Variants in RNH1 observed in about 807,000 individuals in gnomAD.
RNH1 encodes the protein ribonuclease/angiogenin inhibitor 1, also known as ribonuclease inhibitor.
A neutral mutation model predicts 46.1 loss-of-function variants in RNH1; 38 were observed. The ratio of observed to expected loss-of-function variants is 0.82; its 90% confidence interval spans 0.64 to 1.08. The LOEUF is 1.08. RNH1 is among the 50% of genes least tolerant of loss of function. RNH1 has a pLI of 0.00. For synonymous variants in RNH1, 319 were observed against 279.1 expected (o/e 1.14, Z -1.43); for missense variants, 577 against 590.7 (o/e 0.98, Z 0.24).
intron 5 of RNH1, 45 bp downstream of exon 5, chr11:499,784 A>G: frequency 6.3e-7 from 1 of 1,579,178 alleles, no homozygotes; most frequent in Non-Finnish European, 8.6e-7. Context: ...TGGCTGGGGG[A>G]CAGGCAGCGG....
Position 495,066 on chromosome 11 carries a change from G to C in RNH1, c.1128-13C>G, listed in dbSNP as rs749080613. 14 of 1,600,626 alleles carry C rather than the reference G, an allele frequency of 8.7e-6. No homozygotes were observed. In the African/African-American group the frequency reaches 1.1e-4, roughly 12 times the overall value. On this transcript the variant is annotated splice_polypyrimidine_tract_variant and intron_variant, in intron 9 of 10. Coordinates refer to ENST00000354420, the MANE Select transcript of RNH1 (RefSeq NM_203387.3). Reference sequence around the variant, plus strand: ...GCAGTCGGCCAACCTGGGTGAAGCAGGGCGGGGGTCAGGGTGCCGGGCGTG... The same window carrying C: ...GCAGTCGGCCAACCTGGGTGAAGCACGGCGGGGGTCAGGGTGCCGGGCGTG...
chr11:495,354 A>T (rs1197200802), intron 9 of RNH1, among the ~76,000 whole-genome samples: 1 of 152,096 alleles, frequency 6.6e-6, no homozygotes, highest in Non-Finnish European at 1.5e-5. Flanking sequence ...CCCCCTTGTC[A>T]CCTCGACACC....
intron 9 of RNH1, among the ~76,000 whole-genome samples, chr11:497,741 TCGTGCTCACTCA>T (rs1261511408): frequency 2.0e-5 from 3 of 148,734 alleles, no homozygotes; most frequent in African/African-American, 4.9e-5. Context: ...ACACGGACCC[TCGTGCTCACTCA>T]CGTGCTCACA....
Position 502,793 on chromosome 11 carries a change from T to C in RNH1, c.-87-544A>G. The stretch of plus-strand genomic sequence containing the variant: ...CAGCTTCCATGGCCCCCTTCTGGGG[T>C]TGGGGACTCTGCACCAGGCTACAGC... On this transcript the variant is annotated intron_variant, in intron 2 of 10. Coordinates refer to ENST00000354420, the MANE Select transcript of RNH1 (RefSeq NM_203387.3). The surrounding 1 kb of genome is among the most constrained non-coding windows in gnomAD (Gnocchi z 5.8). 1 of 155,254 alleles carries C rather than the reference T, an allele frequency of 6.4e-6. No individual in the cohort carries two copies. Among genetic ancestry groups the C allele is most frequent in the Non-Finnish European group, 1.4e-5 (1 of 69,804 alleles). The allele number at this position is 155,254 out of a possible 1,614,324, so 9.6% of individuals were successfully genotyped here.
chr11:498,157 G>T lies in RNH1; in HGVS notation c.957-16C>A. On this transcript the variant is annotated splice_polypyrimidine_tract_variant and intron_variant, in intron 8 of 10. Transcript: ENST00000354420. ...GGACTTCACCCTGTGGACACAGACAGGACTGACGCCTGGCAGGGGCCCAGG... is the reference window on the plus strand; with the variant it reads ...GGACTTCACCCTGTGGACACAGACATGACTGACGCCTGGCAGGGGCCCAGG... 6.2e-7 allele frequency: 1 copy of T among 1,605,596 alleles called. No homozygotes were observed. Among genetic ancestry groups the T allele is most frequent in the Non-Finnish European group, 8.5e-7 (1 of 1,175,240 alleles).
chr11:498,273 A>G, intron 8 of RNH1, 132 bp from the exon 9 acceptor site: 1 of 1,248,524 alleles, frequency 8.0e-7, no homozygotes, highest in Non-Finnish European at 1.1e-6. Context: ...GTGGGCACCT[A>G]CACCTGGTCC....
At position 502,364 on chromosome 11, in the gene RNH1, T is replaced by C. The variant is rs1260764453; in HGVS notation, c.-87-115A>G. 2 of 607,362 alleles carry C rather than the reference T, an allele frequency of 3.3e-6. No homozygotes were observed. Among genetic ancestry groups the C allele is most frequent in the East Asian group, 5.5e-5 (2 of 36,244 alleles). 37.6% of individuals were successfully genotyped at this position (607,362 alleles called of 1,614,324 possible). On this transcript the variant is annotated intron_variant, in intron 2 of 10. Transcript: ENST00000354420. This position sits in a 1 kb window ranked among gnomAD's most constrained non-coding sequence, Gnocchi z 5.8. ...TTGTCTCTGGAGCAGACATCAGGGG[T>C]GGGGCAGGGGGCAGGGACCAGCACC...
rs12801788 is a variant in RNH1 at position 497,603 on chromosome 11, T to G, written c.1127+368A>C. Reference sequence around the variant, plus strand: ...CATTCTTGCCCATGTGCTCACACACTGACCCTCGTGCTCACTCTCACGTGC... The same window carrying G: ...CATTCTTGCCCATGTGCTCACACACGGACCCTCGTGCTCACTCTCACGTGC... On this transcript the variant is annotated intron_variant, in intron 9 of 10. Transcript: ENST00000354420. Among the ~76,000 whole-genome samples, 640 of 93,892 alleles carry G rather than the reference T, an allele frequency of 6.8e-3. 2 individuals carry two copies. Among genetic ancestry groups the G allele is most frequent in the Middle Eastern group, 0.019 (2 of 104 alleles). 61.6% of individuals were successfully genotyped at this position (93,892 alleles called of 152,430 possible). A position where few individuals can be genotyped will look rare whatever the true frequency, so the allele number is the denominator to read the frequency against.
intron 9 of RNH1, among the ~76,000 whole-genome samples, 188 bp downstream of exon 9, chr11:497,779 TCTCA>T (rs1241950021): frequency 1.1e-4 from 15 of 142,474 alleles, no homozygotes; most frequent in Non-Finnish European, 2.2e-4. Flanking sequence ...ACGTGCTCAC[TCTCA>T]CATGCTCACG....
chr11:497,958 C>G lies in RNH1; in HGVS notation c.1127+13G>C, dbSNP rs556843557. On this transcript the variant is annotated intron_variant, in intron 9 of 10. Coordinates refer to ENST00000354420, the MANE Select transcript of RNH1 (RefSeq NM_203387.3). Reference sequence around the variant, plus strand: ...CTCCCAAATGTGCATACTCGTGTCCCTCACACACTCACCAGAGCACCCGCA... The same window carrying G: ...CTCCCAAATGTGCATACTCGTGTCCGTCACACACTCACCAGAGCACCCGCA... 5 of 1,610,634 alleles carry G rather than the reference C, an allele frequency of 3.1e-6. No homozygotes were observed. The Admixed American group carries it at 5.0e-5, about 16-fold the overall frequency.
intron 9 of RNH1, among the ~76,000 whole-genome samples, chr11:495,585 A>G (rs542068838): frequency 2.6e-5 from 4 of 152,216 alleles, no homozygotes; most frequent in Non-Finnish European, 5.9e-5. Context: ...AGCAGGGCCA[A>G]GGAGTTGCAC....
Position 502,745 on chromosome 11 carries a change from AG to A in RNH1, c.-87-497del, listed in dbSNP as rs1264152766. ...CACAGTGTCCGAAGCAAGACAGAGC[AG>A]GGGGGCGGCCACTTGGGGTGTCAGC... On this transcript the variant is annotated intron_variant, in intron 2 of 10. Transcript: ENST00000354420. This position sits in a 1 kb window ranked among gnomAD's most constrained non-coding sequence, Gnocchi z 5.8. 1.3e-5 allele frequency: 2 copies of A among 153,988 alleles called. No individual in the cohort carries two copies. Among genetic ancestry groups the A allele is most frequent in the East Asian group, 1.9e-4 (1 of 5,330 alleles). The allele number at this position is 153,988 out of a possible 1,614,324, so 9.5% of individuals were successfully genotyped here.
intron 4 of RNH1, chr11:500,222 G>T (rs889583805): frequency 1.5e-6 from 1 of 662,198 alleles, no homozygotes. Flanking sequence ...CTTTCAGTGG[G>T]GGTCTGTGGT....
At chr11:496,693 C>A (rs188068918) in intron 9 of RNH1, among the ~76,000 whole-genome samples, 14 of 152,146 alleles carry the variant, frequency 9.2e-5, no homozygotes, top group African/African-American at 3.4e-4. Flanking sequence ...TAAAATTAGC[C>A]GGGCATAATG....
Position 498,475 on chromosome 11 carries a change from C to G in RNH1, c.938G>C (p.Cys313Ser). 1 of 1,612,968 alleles carries G rather than the reference C, an allele frequency of 6.2e-7. No individual in the cohort carries two copies. The highest frequency in any genetic ancestry group is 8.5e-7 in the Non-Finnish European group (1 of 1,179,998). ...CACTCACCACAGCGACTCCAGCTGG[C>G]AGCCAGGTTCCAGCAGGGTCTCACA... ...LLCETLLEPGCQLESLWVKSC... is the reference protein window; with the variant it reads ...LLCETLLEPGSQLESLWVKSC... Residue 313 changes from cysteine to serine, a missense_variant, in exon 8 of 11, where the codon TGC becomes TCC. Transcript: ENST00000354420.
At chr11:500,131 TC>T (rs1849608721) in intron 4 of RNH1, 132 bp from the exon 5 acceptor site, 1 of 1,040,402 alleles carries the variant, frequency 9.6e-7, no homozygotes, top group South Asian at 1.7e-5. Flanking sequence ...TGGACGGGGC[TC>T]TGGGGTCTGG....
chr11:499,302 A>G, intron 5 of RNH1, 117 bp from the exon 6 acceptor site: 4 of 1,154,354 alleles, frequency 3.5e-6, no homozygotes, highest in South Asian at 1.4e-5. Context: ...CCTGGGCATC[A>G]GGTGTCAGTG....
At chr11:498,274 C>T in intron 8 of RNH1, 133 bp from the exon 9 acceptor site, 1 of 1,249,224 alleles carries the variant, frequency 8.0e-7, no homozygotes. Context: ...TGGGCACCTA[C>T]ACCTGGTCCT....
intron 1 of RNH1, chr11:506,566 G>A (rs1363554138): frequency 2.6e-5 from 4 of 152,218 alleles, no homozygotes; most frequent in East Asian, 1.9e-4. Flanking sequence ...ATGGAGAGCG[G>A]AGGACCCTCC....
Sources: gnomAD v4.1 joint callset for allele counts (sites outside exome capture counted in the v4.1 genomes callset) on GRCh38, gnomAD v4.1.1 for gene constraint, Gnocchi (gnomAD v3.1) non-coding constraint, MANE v1.5 for transcripts, NCBI Gene and HGNC (gene_info 2026-07-23, HGNC 2026-07-21) for gene names.